Variants in KCNIP4 observed in about 807,000 individuals in gnomAD.
The protein encoded by KCNIP4 is Kv channel-interacting protein 4.
A neutral mutation model predicts 34.0 loss-of-function variants in KCNIP4; 12 were observed. The observed-to-expected ratio is 0.35, with a 90% CI of 0.23 to 0.57. KCNIP4 has a LOEUF of 0.57. KCNIP4 is among the 20% of genes least tolerant of loss of function. KCNIP4 has a pLI of 0.83. For missense variants in KCNIP4, 238 were observed against 311.7 expected, an observed-to-expected ratio of 0.76 and a Z score of 1.78; for synonymous variants, 124 against 102.2, an observed-to-expected ratio of 1.21 and a Z score of -1.29.
At chr4:21,890,170 C>T (rs1727011197) in intron 1 of KCNIP4, among the ~76,000 whole-genome samples, 1 of 152,058 alleles carries the variant, frequency 6.6e-6, no homozygotes, top group African/African-American at 2.4e-5. Context: ...CATTCAGACG[C>T]AAATGATAGT....
At chr4:21,408,869 T>C (rs1021989390) in intron 1 of KCNIP4, among the ~76,000 whole-genome samples, 2 of 152,172 alleles carry the variant, frequency 1.3e-5, no homozygotes, top group African/African-American at 4.8e-5. Flanking sequence ...TTTTAAGTAA[T>C]ACTTTTAGTA....
chr4:21,336,873 C>T (rs1168038614), intron 1 of KCNIP4, among the ~76,000 whole-genome samples: 6 of 151,916 alleles, frequency 3.9e-5, no homozygotes, highest in African/African-American at 7.3e-5. Flanking sequence ...AACACACATA[C>T]GCAACTTTAA....
chr4:21,781,435 C>A (rs1719569562), intron 1 of KCNIP4, among the ~76,000 whole-genome samples: 1 of 152,050 alleles, frequency 6.6e-6, no homozygotes, highest in Non-Finnish European at 1.5e-5. Flanking sequence ...TCTGCAATGA[C>A]CATATTTCCA....
intron 1 of KCNIP4, among the ~76,000 whole-genome samples, chr4:21,400,502 C>CT (rs1723409518): frequency 7.2e-6 from 1 of 139,566 alleles, no homozygotes; most frequent in Non-Finnish European, 1.5e-5. Context: ...CCCCTCCCTT[C>CT]CCCTCCCTTC....
At chr4:21,300,754 C>T (rs527347048) in intron 1 of KCNIP4, among the ~76,000 whole-genome samples, 4 of 152,148 alleles carry the variant, frequency 2.6e-5, no homozygotes, top group African/African-American at 7.2e-5. Flanking sequence ...TTAGTCTAAC[C>T]ATTATACTGT....
chr4:21,270,194 T>A (rs1762055645), intron 1 of KCNIP4, among the ~76,000 whole-genome samples: 1 of 152,152 alleles, frequency 6.6e-6, no homozygotes, highest in African/African-American at 2.4e-5. Context: ...CCATTTCTAG[T>A]CATGGACTCT....
intron 1 of KCNIP4, among the ~76,000 whole-genome samples, chr4:21,203,829 G>A (rs1295277358): frequency 1.3e-5 from 2 of 152,154 alleles, no homozygotes; most frequent in African/African-American, 2.4e-5. Context: ...AGTCAGAGGT[G>A]GTGGACTCAC....
intron 1 of KCNIP4, among the ~76,000 whole-genome samples, chr4:21,146,325 G>C (rs1752350502): frequency 6.6e-6 from 1 of 152,130 alleles, no homozygotes; most frequent in Admixed American, 6.5e-5. Context: ...GTGAACCCGG[G>C]AGGCGGAGCT....
At chr4:21,855,540 G>A (rs1724696115) in intron 1 of KCNIP4, 1 of 152,200 alleles carries the variant, frequency 6.6e-6, no homozygotes, top group South Asian at 2.1e-4. Context: ...TTGGATTTCA[G>A]ATTATTGTTA....
At chr4:21,531,302 CTCTT>C (rs1426368003) in intron 1 of KCNIP4, among the ~76,000 whole-genome samples, 1 of 151,296 alleles carries the variant, frequency 6.6e-6, no homozygotes, top group Non-Finnish European at 1.5e-5. Flanking sequence ...TTCTCTCTCT[CTCTT>C]TTCTTCCTTC....
At chr4:21,358,621 T>C (rs957360119) in intron 1 of KCNIP4, among the ~76,000 whole-genome samples, 8 of 141,224 alleles carry the variant, frequency 5.7e-5, no homozygotes, top group Admixed American at 4.4e-4. Flanking sequence ...TGAGAGTGTT[T>C]CTGAATGAGA....
chr4:21,569,815 C>T (rs1209769017), intron 1 of KCNIP4, among the ~76,000 whole-genome samples: 3 of 151,936 alleles, frequency 2.0e-5, no homozygotes, highest in Non-Finnish European at 4.4e-5. Flanking sequence ...AAAGAATGAA[C>T]GAATCTGAAA....
At chr4:21,441,772 G>A (rs1727505285) in intron 1 of KCNIP4, among the ~76,000 whole-genome samples, 1 of 152,088 alleles carries the variant, frequency 6.6e-6, no homozygotes, top group South Asian at 2.1e-4. Context: ...TTTAATAAAA[G>A]TCTAGAATAA....
At chr4:21,484,937 A>G (rs1731780731) in intron 1 of KCNIP4, among the ~76,000 whole-genome samples, 1 of 152,214 alleles carries the variant, frequency 6.6e-6, no homozygotes, top group African/African-American at 2.4e-5. Context: ...GGTCACACAC[A>G]TAGTGTTGAA....
chr4:21,723,999 C>A (rs1479124317), intron 1 of KCNIP4, among the ~76,000 whole-genome samples: 1 of 152,030 alleles, frequency 6.6e-6, no homozygotes, highest in Non-Finnish European at 1.5e-5. Context: ...CTACAACTTG[C>A]AGAAGACTCA....
chr4:20,748,084 G>A (rs996413841), intron 5 of KCNIP4, among the ~76,000 whole-genome samples: 1 of 152,000 alleles, frequency 6.6e-6, no homozygotes, highest in Non-Finnish European at 1.5e-5. Context: ...TACACTCCAT[G>A]TTTCCAGGAA....
intron 5 of KCNIP4, among the ~76,000 whole-genome samples, chr4:20,740,621 T>C (rs1178428443): frequency 1.3e-5 from 2 of 152,112 alleles, no homozygotes; most frequent in East Asian, 3.9e-4. Context: ...TGCAAAAACA[T>C]GCCAAATTGT....
At chr4:20,822,773 A>T (rs1215686143) in intron 3 of KCNIP4, among the ~76,000 whole-genome samples, 1 of 152,174 alleles carries the variant, frequency 6.6e-6, no homozygotes, top group Non-Finnish European at 1.5e-5. Flanking sequence ...TTCCTCCAAA[A>T]TTTATATGTC....
chr4:20,755,255 ATTTGT>A (rs778848934), intron 4 of KCNIP4, among the ~76,000 whole-genome samples: 46 of 152,316 alleles, frequency 3.0e-4, no homozygotes, highest in Middle Eastern at 6.8e-3. Context: ...GAAAACAAAA[ATTTGT>A]TTTGACATGT....
Sources: gnomAD v4.1 joint callset for allele counts (sites outside exome capture counted in the v4.1 genomes callset) on GRCh38, gnomAD v4.1.1 for gene constraint, MANE v1.5 for transcripts, NCBI Gene and HGNC (gene_info 2026-07-23, HGNC 2026-07-21) for gene names.